COL5A1: variants seen among roughly 807,000 people sequenced by gnomAD.
COL5A1 encodes collagen type V alpha 1 chain.
A neutral mutation model predicts 263.7 loss-of-function variants in COL5A1; 16 were observed. That is an observed-to-expected ratio of 0.06 (90% CI 0.04 to 0.09). The LOEUF is 0.09. Ranked by LOEUF, COL5A1 falls within the 10% of genes least tolerant of loss-of-function variation. The pLI is 1.00. For missense variants in COL5A1, 2,036 were observed against 2,540.5 expected, an observed-to-expected ratio of 0.80 and a Z score of 4.27; for synonymous variants, 1,012 against 1,004.5, an observed-to-expected ratio of 1.01 and a Z score of -0.14.
At chr9:134,738,309 C>T (rs1308097311) in intron 9 of COL5A1, among the ~76,000 whole-genome samples, 165 bp from the exon 10 acceptor site, 2 of 152,230 alleles carry the variant, frequency 1.3e-5, no homozygotes, top group East Asian at 1.9e-4. Context: ...CCACTGAGGC[C>T]CCACCACAGG....
chr9:134,757,623 C>T lies in COL5A1; in HGVS notation c.1882-620C>T, dbSNP rs1438933851. ...GGAAACGCAGTCTTGTTGACTCTGT[C>T]TCAGAAGACCATGGTCTTCTTTCAA... On this transcript the variant is annotated intron_variant, in intron 17 of 65. Transcript: ENST00000371817. This position sits in a 1 kb window ranked among gnomAD's most constrained non-coding sequence, Gnocchi z 6.2. 6.6e-6 allele frequency among the ~76,000 whole-genome samples: 1 copy of T among 152,198 alleles called. No individual in the cohort carries two copies. Among genetic ancestry groups the T allele is most frequent in the Non-Finnish European group, 1.5e-5 (1 of 68,040 alleles).
intron 32 of COL5A1, among the ~76,000 whole-genome samples, chr9:134,792,857 GT>G (rs1837758776): frequency 6.7e-6 from 1 of 149,824 alleles, no homozygotes; most frequent in African/African-American, 2.5e-5. Context: ...GTGCGCACAC[GT>G]GTGTGTGCGC....
At position 134,642,150 on chromosome 9, in the gene COL5A1, C is replaced by T; in HGVS notation, c.-38C>T. ...GCCCCTGTGCGTCCCCGCGCGCCTC[C>T]GAGCGCCCCTGTGCGCCCCGGCCCG... On this transcript the variant is annotated 5_prime_UTR_variant, in exon 1 of 66. Coordinates refer to ENST00000371817, the MANE Select transcript of COL5A1 (RefSeq NM_000093.5). The surrounding 1 kb of genome is among the most constrained non-coding windows in gnomAD (Gnocchi z 4.5). The T allele has an allele frequency of 8.1e-7, 1 of 1,239,086 alleles. No homozygotes were observed. The highest frequency in any genetic ancestry group is 1.0e-6 in the Non-Finnish European group (1 of 995,632). The allele number at this position is 1,239,086 out of a possible 1,614,324, so 76.8% of individuals were successfully genotyped here. A position where few individuals can be genotyped will look rare whatever the true frequency, so the allele number is the denominator to read the frequency against.
chr9:134,727,222 G>A (rs1264346792), intron 4 of COL5A1, 44 bp from the exon 5 acceptor site: 1 of 1,610,352 alleles, frequency 6.2e-7, no homozygotes, highest in East Asian at 2.2e-5. Flanking sequence ...CCCCATGCGA[G>A]TGCTCTGTGA....
chr9:134,753,775 CT>C, intron 14 of COL5A1, 74 bp from the exon 15 acceptor site: 1 of 862,642 alleles, frequency 1.2e-6, no homozygotes, highest in Non-Finnish European at 1.9e-6. Context: ...TGCCCCTCCC[CT>C]GCCACCCCCA....
intron 9 of COL5A1, among the ~76,000 whole-genome samples, chr9:134,734,184 G>A (rs1219525868): frequency 6.6e-6 from 1 of 152,160 alleles, no homozygotes; most frequent in Non-Finnish European, 1.5e-5. Flanking sequence ...GGGCAAGGGT[G>A]GGCCAAGGAG....
Position 134,642,182 on chromosome 9 carries a change from G to T in COL5A1, c.-6G>T. The T allele has an allele frequency of 7.9e-7, 1 of 1,262,006 alleles. No individual in the cohort carries two copies. The highest frequency in any genetic ancestry group is 9.9e-7 in the Non-Finnish European group (1 of 1,007,128). 78.2% of individuals were successfully genotyped at this position (1,262,006 alleles called of 1,614,324 possible). On this transcript the variant is annotated 5_prime_UTR_variant, in exon 1 of 66. Transcript: ENST00000371817. The surrounding 1 kb of genome is among the most constrained non-coding windows in gnomAD (Gnocchi z 4.5). Reference sequence around the variant, plus strand: ...CCCTGTGCGCCCCGGCCCGCGCCCCGCCGGCATGGACGTCCATACCCGCTG... The same window carrying T: ...CCCTGTGCGCCCCGGCCCGCGCCCCTCCGGCATGGACGTCCATACCCGCTG...
At chr9:134,693,976 C>CAGGG (rs1239009178) in intron 2 of COL5A1, among the ~76,000 whole-genome samples, 41 of 152,346 alleles carry the variant, frequency 2.7e-4, no homozygotes, top group Non-Finnish European at 4.4e-5. Context: ...ATTCTAGAGA[C>CAGGG]CCGTACCTGC....
In COL5A1 at chr9:134,805,194, C is replaced by T. The variant is rs868183840; in HGVS notation, c.3238C>T (p.Pro1080Ser). The change falls in exon 41 of 66, where the codon CCT (proline) becomes TCT (serine). Residue 1080 changes from proline (P) to serine (S), a missense_variant. Physicochemically the swap from Pro to Ser is moderately conservative, Grantham distance 74. This residue lies in a region of COL5A1 where 1,078 missense variants were observed against 1,521.4 expected (regional missense o/e 0.71). Coordinates refer to ENST00000371817, the MANE Select transcript of COL5A1 (RefSeq NM_000093.5). ...ALGLKGNEGPPGPPGPAGSPG... is the reference protein window; with the variant it reads ...ALGLKGNEGPSGPPGPAGSPG... ...TGGACTGAAAGGCAATGAAGGGCCC[C>T]CTGGCCCACCAGGCCCTGCGGTGAG... is the stretch of plus-strand genomic sequence containing the variant. 1.2e-6 allele frequency: 2 copies of T among 1,614,032 alleles called. No homozygotes were observed. Among genetic ancestry groups the T allele is most frequent in the South Asian group, 1.1e-5 (1 of 91,084 alleles).
chr9:134,720,549 G>A (rs768189907), intron 4 of COL5A1, among the ~76,000 whole-genome samples: 1 of 152,200 alleles, frequency 6.6e-6, no homozygotes, highest in Non-Finnish European at 1.5e-5. Context: ...GGCTGGGCAT[G>A]TCCTCTCCAG....
chr9:134,761,575 A>G lies in COL5A1; in HGVS notation c.1936-350A>G, dbSNP rs1202584446. Among the ~76,000 whole-genome samples the G allele has an allele frequency of 3.3e-5, 5 of 152,186 alleles. No homozygotes were observed. The South Asian group carries it at 8.3e-4, about 25-fold the overall frequency. On this transcript the variant is annotated intron_variant, in intron 18 of 65. Coordinates refer to ENST00000371817, the MANE Select transcript of COL5A1 (RefSeq NM_000093.5). ...CAGGCAGGCGGGGCTCCCTGAGGGTATGAGCGTGAGGCTGCTTCACCTGGA... is the reference window on the plus strand; with the variant it reads ...CAGGCAGGCGGGGCTCCCTGAGGGTGTGAGCGTGAGGCTGCTTCACCTGGA...
chr9:134,740,265 G>A (rs1050163920), intron 11 of COL5A1, among the ~76,000 whole-genome samples: 5 of 152,066 alleles, frequency 3.3e-5, no homozygotes, highest in Non-Finnish European at 5.9e-5. Context: ...GCGAGTGGCC[G>A]CTGCTCTTAC....
At chr9:134,783,992 G>A (rs1440051847) in intron 29 of COL5A1, among the ~76,000 whole-genome samples, 1 of 152,198 alleles carries the variant, frequency 6.6e-6, no homozygotes, top group East Asian at 1.9e-4. Flanking sequence ...CCGTGCCAGG[G>A]CTCCGAGAGT....
chr9:134,798,553 AC>A, intron 37 of COL5A1, 92 bp downstream of exon 37: 1 of 1,227,440 alleles, frequency 8.1e-7, no homozygotes, highest in East Asian at 2.7e-5. Flanking sequence ...GCCATCTAGG[AC>A]CCTCCTGGCC....
intron 65 of COL5A1, among the ~76,000 whole-genome samples, chr9:134,835,677 A>T (rs1246335460): frequency 6.6e-6 from 1 of 152,168 alleles, no homozygotes; most frequent in African/African-American, 2.4e-5. Context: ...GGCCCTCTCC[A>T]TGTGGGGAGA....
chr9:134,800,982 A>G (rs1488371852), intron 37 of COL5A1, among the ~76,000 whole-genome samples: 2 of 152,142 alleles, frequency 1.3e-5, no homozygotes, highest in African/African-American at 4.8e-5. Flanking sequence ...CACCAGTGTC[A>G]TGTGGCACCT....
chr9:134,706,070 C>A (rs1172201718), intron 4 of COL5A1, among the ~76,000 whole-genome samples: 1 of 152,232 alleles, frequency 6.6e-6, no homozygotes, highest in African/African-American at 2.4e-5. Flanking sequence ...GGCAGGAGAT[C>A]CCCCTGGCAT....
In COL5A1 at chr9:134,681,669, C is replaced by T. The variant is rs1382334699; in HGVS notation, c.110-9243C>T. ...GCACCAGCCTGCGAGTGACCATGCT[C>T]ACCTGCCCTGTACCTCGATTCCTCT... On this transcript the variant is annotated intron_variant, in intron 1 of 65. Transcript: ENST00000371817. The surrounding 1 kb of genome is among the most constrained non-coding windows in gnomAD (Gnocchi z 4.3). Among the ~76,000 whole-genome samples, 1 of 152,202 alleles carries T rather than the reference C, an allele frequency of 6.6e-6. No individual in the cohort carries two copies. Among genetic ancestry groups the T allele is most frequent in the Admixed American group, 6.5e-5 (1 of 15,286 alleles).
In COL5A1 at chr9:134,784,829, C is replaced by T. The variant is rs7855854; in HGVS notation, c.2485-160C>T. On this transcript the variant is annotated intron_variant, in intron 29 of 65. Coordinates refer to ENST00000371817, the MANE Select transcript of COL5A1 (RefSeq NM_000093.5). Reference sequence around the variant, plus strand: ...AATGCGCTCGCTTTGTCAGTGGCTCCGGGAGCAGCTCCGTGGTCTGAGTGA... The same window carrying T: ...AATGCGCTCGCTTTGTCAGTGGCTCTGGGAGCAGCTCCGTGGTCTGAGTGA... Among the ~76,000 whole-genome samples the T allele has an allele frequency of 0.11, 16,349 of 152,230 alleles. 1,183 individuals carry two copies. The highest frequency in any genetic ancestry group is 0.2 in the African/African-American group (8,222 of 41,518).
Sources: gnomAD v4.1 joint callset for allele counts (sites outside exome capture counted in the v4.1 genomes callset) on GRCh38, gnomAD v4.1.1 for gene constraint, gnomAD v4.1.1 regional missense constraint, Gnocchi (gnomAD v3.1) non-coding constraint, MANE v1.5 for transcripts, NCBI Gene and HGNC (gene_info 2026-07-23, HGNC 2026-07-21) for gene names.